The following MAML1 variants were observed in gnomAD, a reference collection of about 807,000 sequenced individuals.
MAML1 encodes mastermind-like protein 1.
Under a neutral mutation model 77.1 loss-of-function variants are expected in MAML1, and 14 were observed. That is an observed-to-expected ratio of 0.18 (90% CI 0.12 to 0.28). The LOEUF is 0.28. MAML1 is among the 10% of genes least tolerant of loss of function. The pLI, the probability that MAML1 is intolerant of heterozygous loss-of-function variation, is 1.00. For synonymous variants in MAML1, 516 were observed against 551.9 expected (o/e 0.93, Z 0.91); for missense variants, 1,217 against 1,327.8 (o/e 0.92, Z 1.30).
At chr5:179,746,166 C>T (rs539043761) in intron 1 of MAML1, among the ~76,000 whole-genome samples, 2 of 149,976 alleles carry the variant, frequency 1.3e-5, no homozygotes, top group African/African-American at 2.5e-5. Flanking sequence ...GCCCACATGG[C>T]GAAACCCCGT....
intron 1 of MAML1, among the ~76,000 whole-genome samples, chr5:179,744,989 C>G (rs1458788487): frequency 1.3e-5 from 2 of 151,730 alleles, no homozygotes; most frequent in Admixed American, 6.6e-5. Flanking sequence ...GCAAGCTCTG[C>G]CTCCCGTGTT....
rs1779646426 is a variant in MAML1, at chr5:179,757,584, T to G, written c.316-7742T>G. Among the ~76,000 whole-genome samples, 5 of 151,734 alleles carry G rather than the reference T, an allele frequency of 3.3e-5. No individual in the cohort carries two copies. In the South Asian group the frequency reaches 1.0e-3, roughly 32 times the overall value. ...CTCCTCTCAAAAAAAAAAAGAAGTA[T>G]AGCAATGTGGAGTTTTAAAGCCAAT... On this transcript the variant is annotated intron_variant, in intron 1 of 4. Coordinates refer to ENST00000292599, the MANE Select transcript of MAML1 (RefSeq NM_014757.5).
At chr5:179,759,411 G>T (rs189032981) in intron 1 of MAML1, among the ~76,000 whole-genome samples, 2 of 152,304 alleles carry the variant, frequency 1.3e-5, no homozygotes, top group African/African-American at 2.4e-5. Context: ...GGAATAATAG[G>T]TTAAGAATGA....
chr5:179,764,370 T>G (rs1779773878), intron 1 of MAML1, among the ~76,000 whole-genome samples: 1 of 152,038 alleles, frequency 6.6e-6, no homozygotes, highest in African/African-American at 2.4e-5. Context: ...TAAGAAGTAG[T>G]GAGGGGCCGG....
intron 4 of MAML1, among the ~76,000 whole-genome samples, chr5:179,772,167 G>A (rs149670547): frequency 1.3e-5 from 2 of 152,200 alleles, no homozygotes; most frequent in Non-Finnish European, 2.9e-5. Context: ...CGCCCAGGCT[G>A]CAGTGCAGTG....
intron 4 of MAML1, 110 bp from the exon 5 acceptor site, chr5:179,773,785 C>A: frequency 6.6e-7 from 1 of 1,506,156 alleles, no homozygotes. Flanking sequence ...GCCCCCGGGG[C>A]CCTCTTCCCA....
intron 1 of MAML1, among the ~76,000 whole-genome samples, chr5:179,751,662 G>A (rs1030745836): frequency 6.6e-6 from 1 of 151,854 alleles, no homozygotes; most frequent in African/African-American, 2.4e-5. Context: ...CCAAGATCAT[G>A]CCACTGCACT....
chr5:179,738,897 C>T (rs545120750), intron 1 of MAML1, among the ~76,000 whole-genome samples: 3 of 152,250 alleles, frequency 2.0e-5, no homozygotes, highest in East Asian at 3.9e-4. Flanking sequence ...CCTCCCACCA[C>T]AGCCTCCTCA....
rs1285397832 is a variant in MAML1 at position 179,774,139 on chromosome 5, G to A, written c.2313G>A (p.Pro771=). The part of the protein sequence containing the change: ...SGITQIVAQP[P]PQATNGHAHI... ...TAACCCAGATAGTTGCCCAGCCCCC[G>A]CCACAGGCCACCAATGGACATGCCC... The change falls in exon 5 of 5, where the codon CCG becomes CCA. Residue 771 remains proline (P), a synonymous_variant. Coordinates refer to ENST00000292599, the MANE Select transcript of MAML1 (RefSeq NM_014757.5). 17 of 1,613,250 alleles carry A rather than the reference G, an allele frequency of 1.1e-5. No individual in the cohort carries two copies. The highest frequency in any genetic ancestry group is 5.5e-5 in the South Asian group (5 of 91,082).
At chr5:179,751,188 G>A (rs1406574485) in intron 1 of MAML1, among the ~76,000 whole-genome samples, 2 of 151,860 alleles carry the variant, frequency 1.3e-5, no homozygotes, top group East Asian at 3.9e-4. Context: ...GGTCAGGCTG[G>A]TCTCAAACTC....
At chr5:179,762,438 G>A (rs188270728) in intron 1 of MAML1, among the ~76,000 whole-genome samples, 140 of 152,154 alleles carry the variant, frequency 9.2e-4, no homozygotes, top group Middle Eastern at 3.4e-3. Flanking sequence ...AGGTCAGCGG[G>A]GTGTCTTGGT....
chr5:179,737,724 TA>T (rs1779194448), intron 1 of MAML1, among the ~76,000 whole-genome samples: 2 of 101,496 alleles, frequency 2.0e-5, no homozygotes, highest in South Asian at 5.7e-4. Context: ...ACTATCTGCT[TA>T]GTCTGTTAGA....
chr5:179,734,296 A>G (rs1425082760), intron 1 of MAML1, among the ~76,000 whole-genome samples: 19 of 152,212 alleles, frequency 1.2e-4, no homozygotes, highest in Admixed American at 9.8e-4. Context: ...GGGCTATTGC[A>G]GTGCCTGTCC....
intron 1 of MAML1, among the ~76,000 whole-genome samples, chr5:179,759,456 A>G (rs1390873177): frequency 1.3e-5 from 2 of 152,246 alleles, no homozygotes; most frequent in Admixed American, 6.5e-5. Context: ...ACTGGAAATG[A>G]GGGGTCAGCA....
At chr5:179,740,214 C>T (rs953459294) in intron 1 of MAML1, among the ~76,000 whole-genome samples, 7 of 152,106 alleles carry the variant, frequency 4.6e-5, no homozygotes, top group African/African-American at 1.2e-4. Flanking sequence ...TCTGGAGCAG[C>T]GTGGCACCTA....
chr5:179,743,525 C>G (rs1779323047), intron 1 of MAML1, among the ~76,000 whole-genome samples: 1 of 151,668 alleles, frequency 6.6e-6, no homozygotes, highest in Admixed American at 6.6e-5. Context: ...CACCACCACG[C>G]CCGGCTAATT....
In MAML1 at chr5:179,774,270, C is replaced by T; in HGVS notation, c.2444C>T (p.Thr815Ile). The T allele has an allele frequency of 1.2e-6, 2 of 1,613,436 alleles. No individual in the cohort carries two copies. The highest frequency in any genetic ancestry group is 1.7e-6 in the Non-Finnish European group (2 of 1,179,956). ...SGLSQQHNKG[T>I]LNPGLTKPPV... is the part of the protein sequence containing the mutation. ...CTCTCCCAGCAGCACAATAAGGGGACCCTGAACCCTGGTTTAACAAAGCCA... is the reference window on the plus strand; with the variant it reads ...CTCTCCCAGCAGCACAATAAGGGGATCCTGAACCCTGGTTTAACAAAGCCA... Residue 815 changes from threonine to isoleucine, a missense_variant, in exon 5 of 5, where the codon ACC becomes ATC. Physicochemically the swap from Thr to Ile is moderately conservative, Grantham distance 89. Transcript: ENST00000292599.
chr5:179,755,288 A>T (rs1386237287), intron 1 of MAML1, among the ~76,000 whole-genome samples: 1 of 152,182 alleles, frequency 6.6e-6, no homozygotes, highest in Non-Finnish European at 1.5e-5. Context: ...AAACAAAAAG[A>T]CAAAGAACAG....
chr5:179,767,657 TCA>T (rs916297255), intron 2 of MAML1, among the ~76,000 whole-genome samples: 23 of 152,226 alleles, frequency 1.5e-4, no homozygotes, highest in African/African-American at 4.6e-4. Flanking sequence ...GTAAGATGTC[TCA>T]CGCCGTTCAG....
Sources: gnomAD v4.1 joint callset for allele counts (sites outside exome capture counted in the v4.1 genomes callset) on GRCh38, gnomAD v4.1.1 for gene constraint, MANE v1.5 for transcripts, NCBI Gene and HGNC (gene_info 2026-07-23, HGNC 2026-07-21) for gene names.